The following DPP6 variants were observed in gnomAD, a reference collection of about 807,000 sequenced individuals.
The protein encoded by DPP6 is A-type potassium channel modulatory protein DPP6.
DPP6 carries 69 observed loss-of-function variants against 122.6 expected under a neutral mutation model. The ratio of observed to expected loss-of-function variants is 0.56; its 90% confidence interval spans 0.46 to 0.69. The LOEUF (loss-of-function observed/expected upper bound fraction) is 0.69, where lower values mean the gene tolerates loss of function less well. Among genes scored for constraint, DPP6 ranks in the 30% least tolerant of loss-of-function variants. The pLI is 0.00. For missense variants in DPP6, 928 were observed against 1,116.9 expected (o/e 0.83, Z 2.41); for synonymous variants, 418 against 433.1 (o/e 0.97, Z 0.43).
At chr7:154,185,678 A>G (rs1182710981) in intron 1 of DPP6, among the ~76,000 whole-genome samples, 1 of 152,196 alleles carries the variant, frequency 6.6e-6, no homozygotes, top group East Asian at 1.9e-4. Flanking sequence ...TAGATTTCTG[A>G]CAATAGATCG....
chr7:154,303,275 C>T (rs1327686228), intron 1 of DPP6, among the ~76,000 whole-genome samples: 1 of 152,170 alleles, frequency 6.6e-6, no homozygotes, highest in Non-Finnish European at 1.5e-5. Context: ...TGACTGAGGT[C>T]CTCCAGGGGT....
At chr7:154,447,651 T>C (rs1282700804) in intron 2 of DPP6, among the ~76,000 whole-genome samples, 1 of 152,066 alleles carries the variant, frequency 6.6e-6, no homozygotes, top group Non-Finnish European at 1.5e-5. Flanking sequence ...ATACCCCTTA[T>C]GAAAATAGAT....
At chr7:153,780,677 A>T in the DPP6 span, among the ~76,000 whole-genome samples, 1 of 152,140 alleles carries the variant, frequency 6.6e-6, no homozygotes, top group African/African-American at 2.4e-5. Context: ...CCCTGAGCAT[A>T]TGGGGGTTGA....
chr7:154,845,277 A>G (rs970859435), intron 16 of DPP6, among the ~76,000 whole-genome samples: 5 of 152,190 alleles, frequency 3.3e-5, no homozygotes, highest in African/African-American at 1.2e-4. Context: ...ATGGGGTTGG[A>G]ACACGGTCAG....
At chr7:153,852,581 G>A in the DPP6 span, among the ~76,000 whole-genome samples, 1 of 151,986 alleles carries the variant, frequency 6.6e-6, no homozygotes, top group Admixed American at 6.6e-5. Context: ...TCCAACACTG[G>A]GGATCACAAT....
chr7:154,434,996 C>T (rs949629277), intron 1 of DPP6, among the ~76,000 whole-genome samples: 2 of 152,052 alleles, frequency 1.3e-5, no homozygotes, highest in African/African-American at 4.8e-5. Context: ...GCCCTTATGC[C>T]CCATTACTTT....
At chr7:154,702,988 T>C (rs908782033) in intron 7 of DPP6, among the ~76,000 whole-genome samples, 1 of 152,234 alleles carries the variant, frequency 6.6e-6, no homozygotes, top group Non-Finnish European at 1.5e-5. Flanking sequence ...TCGGAGCCAG[T>C]GCTCATTTAC....
At chr7:154,635,601 C>T (rs563262642) in intron 5 of DPP6, among the ~76,000 whole-genome samples, 1 of 152,232 alleles carries the variant, frequency 6.6e-6, no homozygotes, top group African/African-American at 2.4e-5. Flanking sequence ...TGGCTTAAGA[C>T]AGCCAACATT....
intron 1 of DPP6, among the ~76,000 whole-genome samples, chr7:154,003,314 C>CAGGATG (rs1207110125): frequency 6.6e-6 from 1 of 152,026 alleles, no homozygotes; most frequent in Non-Finnish European, 1.5e-5. Context: ...TCCCAGATAA[C>CAGGATG]AGGATGGAAG....
chr7:154,341,972 A>G lies in DPP6; in HGVS notation c.244-104242A>G, dbSNP rs773623788. Among the ~76,000 whole-genome samples, 7 of 152,328 alleles carry G rather than the reference A, an allele frequency of 4.6e-5. No homozygotes were observed. The South Asian group carries it at 6.2e-4, about 14-fold the overall frequency. On this transcript the variant is annotated intron_variant, in intron 1 of 25. Transcript: ENST00000377770. ...TTGCCATTCACCTGCACTAGAAACT[A>G]TGGACTTGTGTCAACGATGGGTCCT...
At chr7:154,172,963 T>G (rs1427785080) in intron 1 of DPP6, among the ~76,000 whole-genome samples, 1 of 152,176 alleles carries the variant, frequency 6.6e-6, no homozygotes, top group African/African-American at 2.4e-5. Context: ...ATGTGTGTCT[T>G]CCTCAGGAAA....
the DPP6 span, among the ~76,000 whole-genome samples, chr7:153,836,043 T>C: frequency 0.63 from 95,392 of 152,114 alleles, 30,140 homozygotes; most frequent in East Asian, 0.85. Flanking sequence ...TGTCCTCTCC[T>C]TCTGGCTAAA....
intron 16 of DPP6, among the ~76,000 whole-genome samples, chr7:154,811,107 T>C (rs1373733614): frequency 6.6e-6 from 1 of 152,240 alleles, no homozygotes; most frequent in East Asian, 1.9e-4. Context: ...AATTGCTCTT[T>C]AAAGTGTTTA....
intron 1 of DPP6, among the ~76,000 whole-genome samples, chr7:153,989,735 G>C (rs1797058833): frequency 6.6e-6 from 1 of 152,024 alleles, no homozygotes; most frequent in Admixed American, 6.5e-5. Flanking sequence ...AGGAGGATGT[G>C]GATGCCTGTG....
At chr7:154,361,765 A>G (rs372496687) in intron 1 of DPP6, among the ~76,000 whole-genome samples, 48 of 152,366 alleles carry the variant, frequency 3.2e-4, no homozygotes, top group African/African-American at 8.9e-4. Flanking sequence ...ATACACTTAC[A>G]CTTATAAACT....
At chr7:154,426,641 G>A (rs1817936486) in intron 1 of DPP6, among the ~76,000 whole-genome samples, 1 of 151,998 alleles carries the variant, frequency 6.6e-6, no homozygotes, top group Admixed American at 6.6e-5. Flanking sequence ...TAGCCTTAAT[G>A]TATTATTCTC....
chr7:154,678,775 C>T (rs374588904), intron 7 of DPP6, among the ~76,000 whole-genome samples: 57 of 152,304 alleles, frequency 3.7e-4, no homozygotes, highest in South Asian at 2.3e-3. Context: ...AGATTCAGAT[C>T]GTGGTTGCAG....
chr7:153,946,890 C>T (rs1801972303), intron 1 of DPP6, among the ~76,000 whole-genome samples: 2 of 152,054 alleles, frequency 1.3e-5, no homozygotes, highest in Admixed American at 1.3e-4. Flanking sequence ...ACAGAGCTGA[C>T]CATGGAGCAG....
At chr7:154,137,919 C>G (rs1795658717) in intron 1 of DPP6, among the ~76,000 whole-genome samples, 1 of 152,168 alleles carries the variant, frequency 6.6e-6, no homozygotes, top group Admixed American at 6.5e-5. Context: ...CCACCCTTGC[C>G]TCAACTCATA....
Sources: gnomAD v4.1 joint callset for allele counts (sites outside exome capture counted in the v4.1 genomes callset) on GRCh38, gnomAD v4.1.1 for gene constraint, MANE v1.5 for transcripts, NCBI Gene and HGNC (gene_info 2026-07-23, HGNC 2026-07-21) for gene names.